Variants in EYS observed in about 807,000 individuals in gnomAD.
The protein encoded by EYS is protein eyes shut homolog.
EYS carries 250 observed loss-of-function variants against 282.1 expected under a neutral mutation model. The observed-to-expected ratio is 0.89, with a 90% CI of 0.80 to 0.98. EYS has a LOEUF of 0.98. EYS is among the 50% of genes least tolerant of loss of function. EYS has a pLI of 0.00. For synonymous variants in EYS, 1,355 were observed against 1,282.9 expected (o/e 1.06, Z -1.20); for missense variants, 4,016 against 3,709.0 (o/e 1.08, Z -2.15).
At chr6:64,851,219 C>T (rs367885470) in intron 19 of EYS, among the ~76,000 whole-genome samples, 2 of 152,036 alleles carry the variant, frequency 1.3e-5, no homozygotes, top group East Asian at 1.9e-4. Flanking sequence ...GAGTTCTGAA[C>T]ATCAAGCCAG....
rs1341293369 is a variant in EYS at position 65,621,137 on chromosome 6, A to G, written c.-333+18641T>C. On this transcript the variant is annotated intron_variant, in intron 2 of 42. Transcript: ENST00000503581. ...GACTTTCTGTCTCGTTGATCTGTCTAATGTTGACAGTGGGGTGTTAAAGTC... is the reference window on the plus strand; with the variant it reads ...GACTTTCTGTCTCGTTGATCTGTCTGATGTTGACAGTGGGGTGTTAAAGTC... Among the ~76,000 whole-genome samples the G allele has an allele frequency of 4.6e-5, 7 of 152,176 alleles. No individual in the cohort carries two copies. The East Asian group carries it at 1.4e-3, about 29-fold the overall frequency.
At chr6:63,908,204 A>G (rs184575163) in intron 35 of EYS, among the ~76,000 whole-genome samples, 1 of 151,880 alleles carries the variant, frequency 6.6e-6, no homozygotes, top group Admixed American at 6.6e-5. Context: ...TTTAACAAGC[A>G]TATGAAAAAA....
At position 64,320,480 on chromosome 6, in the gene EYS, G is replaced by A. The variant is rs150726774; in HGVS notation, c.6079-13398C>T. On this transcript the variant is annotated intron_variant, in intron 29 of 42. Coordinates refer to ENST00000503581, the MANE Select transcript of EYS (RefSeq NM_001142800.2). ...AATATATTGTTAAACAAACATAGTT[G>A]AGGTATTATATTTTTATCTTTAGAT... 3.9e-3 allele frequency among the ~76,000 whole-genome samples: 590 copies of A among 151,728 alleles called. 4 individuals are homozygous for A. Among genetic ancestry groups the A allele is most frequent in the African/African-American group, 0.013 (556 of 41,444 alleles).
At chr6:65,612,153 A>G (rs12199458) in intron 2 of EYS, among the ~76,000 whole-genome samples, 53,923 of 151,078 alleles carry the variant, frequency 0.36, 12,026 homozygotes, top group Non-Finnish European at 0.49. Context: ...AACAATTAAT[A>G]TAACGGTGCT....
intron 41 of EYS, among the ~76,000 whole-genome samples, chr6:63,734,096 A>T (rs1296490442): frequency 6.6e-6 from 1 of 152,164 alleles, no homozygotes; most frequent in African/African-American, 2.4e-5. Flanking sequence ...TAAAGATGGG[A>T]ACAATTGACA....
chr6:64,213,106 A>C (rs2150328681), intron 31 of EYS, among the ~76,000 whole-genome samples: 1 of 152,236 alleles, frequency 6.6e-6, no homozygotes, highest in Admixed American at 6.5e-5. Flanking sequence ...GAGTGGGAAG[A>C]GGGAGAGGAT....
chr6:64,051,563 A>G (rs3003678), intron 33 of EYS, among the ~76,000 whole-genome samples: 3,112 of 152,238 alleles, frequency 0.02, 92 homozygotes, highest in African/African-American at 0.061. Flanking sequence ...GATAAATCCC[A>G]TATGCATTAG....
chr6:65,320,577 A>G (rs1769447180), intron 11 of EYS, among the ~76,000 whole-genome samples: 2 of 152,226 alleles, frequency 1.3e-5, no homozygotes, highest in Admixed American at 1.3e-4. Flanking sequence ...TTCAAGTGGC[A>G]CATTTGGCTC....
chr6:64,286,510 G>C (rs954156008), intron 30 of EYS, among the ~76,000 whole-genome samples: 10 of 152,130 alleles, frequency 6.6e-5, no homozygotes, highest in Non-Finnish European at 1.5e-4. Flanking sequence ...ATGTGCCAAA[G>C]GCAGTGATAT....
rs1449978608 is a variant in EYS at position 64,165,438 on chromosome 6, TTATG to T, written c.6424+65150_6424+65153del. Reference sequence around the variant, plus strand: ...AACCTTAAACTGTTCTTTCTTAAAATTATGTATACTAAAAATGTACAAGTCTTCA... The same window carrying T: ...AACCTTAAACTGTTCTTTCTTAAAATTATACTAAAAATGTACAAGTCTTCA... On this transcript the variant is annotated intron_variant, in intron 31 of 42. Transcript: ENST00000503581. Among the ~76,000 whole-genome samples the T allele has an allele frequency of 4.6e-5, 7 of 152,116 alleles. No individual in the cohort carries two copies. In the East Asian group the frequency reaches 1.2e-3, roughly 25 times the overall value.
intron 30 of EYS, among the ~76,000 whole-genome samples, chr6:64,234,638 A>C (rs1053736937): frequency 6.6e-6 from 1 of 152,138 alleles, no homozygotes; most frequent in Non-Finnish European, 1.5e-5. Flanking sequence ...CATCACCACA[A>C]TCTAGCTTTA....
At chr6:64,277,883 T>C (rs891712524) in intron 30 of EYS, among the ~76,000 whole-genome samples, 1 of 152,174 alleles carries the variant, frequency 6.6e-6, no homozygotes, top group African/African-American at 2.4e-5. Context: ...AGTTTGGTTC[T>C]GGGCTAAAAC....
chr6:65,005,391 G>T (rs958812208), intron 13 of EYS, among the ~76,000 whole-genome samples: 1 of 147,340 alleles, frequency 6.8e-6, no homozygotes, highest in East Asian at 2.1e-4. Context: ...CTCGGAATCC[G>T]TGAGGCCAAG....
At chr6:65,060,847 T>C (rs530425493) in intron 12 of EYS, among the ~76,000 whole-genome samples, 2 of 150,886 alleles carry the variant, frequency 1.3e-5, no homozygotes, top group South Asian at 4.2e-4. Flanking sequence ...TGTATGCTTA[T>C]GAAAATATTT....
At chr6:64,479,260 C>A (rs1265229255) in intron 26 of EYS, among the ~76,000 whole-genome samples, 5 of 151,916 alleles carry the variant, frequency 3.3e-5, no homozygotes, top group African/African-American at 4.8e-5. Flanking sequence ...AACCTCAAGA[C>A]CCAGTCCTCT....
intron 12 of EYS, among the ~76,000 whole-genome samples, chr6:65,193,346 G>A (rs2150241167): frequency 6.6e-6 from 1 of 151,912 alleles, no homozygotes; most frequent in East Asian, 2.0e-4. Flanking sequence ...TTACTGTAAT[G>A]CCTCTTCCTT....
intron 36 of EYS, among the ~76,000 whole-genome samples, chr6:63,845,106 A>G (rs1335602723): frequency 3.9e-5 from 6 of 152,122 alleles, no homozygotes; most frequent in Admixed American, 6.6e-5. Context: ...ATGACTTCCA[A>G]GGAAGGAGAC....
At chr6:64,796,965 C>T (rs1774373768) in intron 22 of EYS, among the ~76,000 whole-genome samples, 1 of 152,042 alleles carries the variant, frequency 6.6e-6, no homozygotes, top group Admixed American at 6.6e-5. Context: ...GGGAAACTCA[C>T]ATCAGTTATA....
At chr6:65,042,643 A>C (rs1772974192) in intron 13 of EYS, among the ~76,000 whole-genome samples, 1 of 151,286 alleles carries the variant, frequency 6.6e-6, no homozygotes, top group Admixed American at 6.6e-5. Context: ...TGTTATGTTT[A>C]TTATTTATAA....
Sources: allele counts gnomAD v4.1 joint callset (sites outside exome capture counted in the v4.1 genomes callset), GRCh38; gene constraint gnomAD v4.1.1; transcripts MANE v1.5; gene names NCBI Gene and HGNC (gene_info 2026-07-23, HGNC 2026-07-21).